GRIK2: variants seen among roughly 807,000 people sequenced by gnomAD.
GRIK2 encodes the protein glutamate receptor ionotropic, kainate 2.
GRIK2 carries 32 observed loss-of-function variants against 100.3 expected under a neutral mutation model. The ratio of observed to expected loss-of-function variants is 0.32; its 90% CI spans 0.24 to 0.43. The LOEUF is 0.43. GRIK2 is among the 20% of genes least tolerant of loss of function. GRIK2 has a pLI of 1.00. For missense variants in GRIK2, 843 were observed against 1,114.9 expected (o/e 0.76, Z 3.47); for synonymous variants, 417 against 389.4 (o/e 1.07, Z -0.83).
At chr6:101,548,561 C>A (rs1380888725) in intron 2 of GRIK2, among the ~76,000 whole-genome samples, 2 of 152,174 alleles carry the variant, frequency 1.3e-5, no homozygotes, top group African/African-American at 4.8e-5. Flanking sequence ...TTCCCAGCAC[C>A]ATTTATTAAA....
chr6:101,829,390 G>A (rs1039821027), intron 10 of GRIK2, among the ~76,000 whole-genome samples: 14 of 151,942 alleles, frequency 9.2e-5, no homozygotes, highest in Non-Finnish European at 4.4e-5. Context: ...TGAAGTTCTA[G>A]TCAGAGCATT....
At chr6:101,728,962 A>AT (rs66534885) in intron 7 of GRIK2, among the ~76,000 whole-genome samples, 61 of 151,490 alleles carry the variant, frequency 4.0e-4, no homozygotes, top group Non-Finnish European at 5.3e-4. Context: ...ATTAAAAGCA[A>AT]TTTTTTTTTG....
At chr6:101,677,011 G>A (rs574691649) in intron 5 of GRIK2, among the ~76,000 whole-genome samples, 1 of 152,150 alleles carries the variant, frequency 6.6e-6, no homozygotes, top group Admixed American at 6.5e-5. Context: ...ACGGGTTGTT[G>A]GAAGTTTGGA....
intron 7 of GRIK2, among the ~76,000 whole-genome samples, chr6:101,790,896 G>C (rs1409256225): frequency 6.6e-6 from 1 of 151,934 alleles, no homozygotes; most frequent in Non-Finnish European, 1.5e-5. Context: ...CCTGTTATTG[G>C]TCTATTCAGA....
At chr6:101,863,799 A>G (rs1199193568) in intron 11 of GRIK2, among the ~76,000 whole-genome samples, 7 of 152,152 alleles carry the variant, frequency 4.6e-5, no homozygotes, top group African/African-American at 7.2e-5. Context: ...TGAGTGACTT[A>G]TATCATTTAT....
chr6:101,765,914 T>C (rs762201690), intron 7 of GRIK2, among the ~76,000 whole-genome samples: 4 of 152,238 alleles, frequency 2.6e-5, no homozygotes, highest in Middle Eastern at 3.4e-3. Flanking sequence ...AAGCTATGAG[T>C]CATTTATTTT....
chr6:101,705,096 CCTT>C (rs745541194), intron 7 of GRIK2, among the ~76,000 whole-genome samples: 5 of 147,768 alleles, frequency 3.4e-5, no homozygotes, highest in African/African-American at 5.0e-5. Context: ...AATTTTATCT[CCTT>C]CTGAGAAACC....
intron 14 of GRIK2, among the ~76,000 whole-genome samples, chr6:101,961,758 A>AC (rs1308838273): frequency 6.6e-6 from 1 of 152,056 alleles, no homozygotes; most frequent in Admixed American, 6.5e-5. Context: ...CCTGAACGTT[A>AC]GAATTCCGGG....
chr6:101,696,606 T>C (rs1772504247), intron 7 of GRIK2, among the ~76,000 whole-genome samples: 1 of 152,016 alleles, frequency 6.6e-6, no homozygotes, highest in East Asian at 1.9e-4. Context: ...CTATTTGTAT[T>C]TGACATCTAA....
chr6:101,689,544 G>A (rs1403530114), intron 7 of GRIK2, among the ~76,000 whole-genome samples: 1 of 152,090 alleles, frequency 6.6e-6, no homozygotes, highest in Non-Finnish European at 1.5e-5. Context: ...GCTTGCCATT[G>A]TAGTTTCTTT....
At chr6:101,945,910 G>GTTTTTTTT (rs66532199) in intron 14 of GRIK2, among the ~76,000 whole-genome samples, 1 of 131,432 alleles carries the variant, frequency 7.6e-6, no homozygotes. Flanking sequence ...TCTATCTACT[G>GTTTTTTTT]TTTTTTTTTT....
intron 9 of GRIK2, among the ~76,000 whole-genome samples, chr6:101,817,849 A>G (rs1465258022): frequency 6.6e-6 from 1 of 152,190 alleles, no homozygotes; most frequent in Non-Finnish European, 1.5e-5. Context: ...GCGTTTTTAA[A>G]TCTCCAAAGA....
intron 11 of GRIK2, among the ~76,000 whole-genome samples, chr6:101,884,895 T>C (rs1179196642): frequency 2.0e-5 from 3 of 152,144 alleles, no homozygotes; most frequent in African/African-American, 7.2e-5. Flanking sequence ...TAAGACAATT[T>C]GGAAGAGTTT....
intron 12 of GRIK2, among the ~76,000 whole-genome samples, chr6:101,897,438 G>A (rs377295142): frequency 6.6e-6 from 1 of 151,702 alleles, no homozygotes; most frequent in East Asian, 1.9e-4. Flanking sequence ...AGGCTGGTCT[G>A]TCTGTGGTAA....
At chr6:101,688,090 A>T (rs534728917) in intron 7 of GRIK2, among the ~76,000 whole-genome samples, 1 of 146,392 alleles carries the variant, frequency 6.8e-6, no homozygotes, top group East Asian at 1.9e-4. Flanking sequence ...ATATAAAAAT[A>T]TATATTATAT....
At chr6:101,798,266 G>A (rs1179650075) in intron 7 of GRIK2, among the ~76,000 whole-genome samples, 2 of 151,960 alleles carry the variant, frequency 1.3e-5, no homozygotes, top group East Asian at 1.9e-4. Flanking sequence ...GATGATTTTT[G>A]TGACTACCTG....
At chr6:101,894,485 T>C (rs1787311536) in intron 12 of GRIK2, among the ~76,000 whole-genome samples, 1 of 151,648 alleles carries the variant, frequency 6.6e-6, no homozygotes, top group Non-Finnish European at 1.5e-5. Context: ...ATGGTAGCTC[T>C]TTGCTGACAG....
intron 7 of GRIK2, among the ~76,000 whole-genome samples, chr6:101,789,158 C>T (rs1249536968): frequency 1.3e-5 from 2 of 151,990 alleles, no homozygotes; most frequent in Non-Finnish European, 2.9e-5. Flanking sequence ...TTGTAGGTTG[C>T]CTGTTCACTC....
Position 101,711,010 on chromosome 6 carries a change from G to C in GRIK2, c.951+24657G>C, listed in dbSNP as rs183914600. ...ATTCAGTGGATGAAACCTTGCTGAAGTGGCTGTGTGGATACCCTAAAATAG... is the reference window on the plus strand; with the variant it reads ...ATTCAGTGGATGAAACCTTGCTGAACTGGCTGTGTGGATACCCTAAAATAG... On this transcript the variant is annotated intron_variant, in intron 7 of 16. Transcript: ENST00000369134. Among the ~76,000 whole-genome samples, 285 of 151,866 alleles carry C rather than the reference G, an allele frequency of 1.9e-3. 3 individuals are homozygous for C. Among genetic ancestry groups the C allele is most frequent in the Non-Finnish European group, 2.0e-3 (136 of 67,838 alleles).
Sources: gnomAD v4.1 joint callset for allele counts (sites outside exome capture counted in the v4.1 genomes callset) on GRCh38, gnomAD v4.1.1 for gene constraint, MANE v1.5 for transcripts, NCBI Gene and HGNC (gene_info 2026-07-23, HGNC 2026-07-21) for gene names.